The following NTM variants were observed in gnomAD, a reference collection of about 807,000 sequenced individuals.
NTM encodes the protein IgLON family member 2.
A neutral mutation model predicts 42.1 loss-of-function variants in NTM; 13 were observed. The ratio of observed to expected loss-of-function variants is 0.31; its 90% CI spans 0.20 to 0.49. NTM has a LOEUF of 0.49. Among genes scored for constraint, NTM ranks in the 20% least tolerant of loss-of-function variants. The pLI, the probability that NTM is intolerant of heterozygous loss-of-function variation, is 0.99. For synonymous variants in NTM, 187 were observed against 179.2 expected (o/e 1.04, Z -0.35); for missense variants, 373 against 452.8 (o/e 0.82, Z 1.60).
intron 1 of NTM, among the ~76,000 whole-genome samples, chr11:131,378,714 T>C (rs766044310): frequency 6.6e-6 from 1 of 152,168 alleles, no homozygotes; most frequent in Non-Finnish European, 1.5e-5. Context: ...AGGAATGTGA[T>C]TGAGCTGGAT....
chr11:132,207,310 T>C (rs563111124), intron 3 of NTM, among the ~76,000 whole-genome samples: 2 of 152,136 alleles, frequency 1.3e-5, no homozygotes, highest in Non-Finnish European at 2.9e-5. Flanking sequence ...CGAACCCTTA[T>C]TGTGAACTGC....
intron 1 of NTM, among the ~76,000 whole-genome samples, chr11:131,735,219 C>T (rs537300839): frequency 1.4e-4 from 22 of 152,294 alleles, no homozygotes; most frequent in African/African-American, 4.8e-4. Context: ...TAGATGTTGG[C>T]AAAGCTCCAA....
At chr11:132,121,878 G>T (rs79794120) in intron 2 of NTM, among the ~76,000 whole-genome samples, 1 of 152,126 alleles carries the variant, frequency 6.6e-6, no homozygotes, top group African/African-American at 2.4e-5. Context: ...CTTCTTTGAC[G>T]AGTGTTTTGG....
intron 1 of NTM, among the ~76,000 whole-genome samples, chr11:131,579,212 A>G (rs890566886): frequency 6.6e-6 from 1 of 152,210 alleles, no homozygotes; most frequent in Non-Finnish European, 1.5e-5. Flanking sequence ...GGAAACTAGG[A>G]AGAGCCTCAC....
At chr11:132,028,173 C>G (rs1022713083) in intron 2 of NTM, among the ~76,000 whole-genome samples, 1 of 151,390 alleles carries the variant, frequency 6.6e-6, no homozygotes, top group Non-Finnish European at 1.5e-5. Flanking sequence ...ACTTTAAATC[C>G]TCAATCTGAT....
intron 2 of NTM, among the ~76,000 whole-genome samples, chr11:131,940,736 G>T (rs1272454641): frequency 6.6e-6 from 1 of 152,186 alleles, no homozygotes; most frequent in Non-Finnish European, 1.5e-5. Context: ...CAGACATGGG[G>T]ATCCACCTCT....
chr11:132,255,751 T>C (rs1343176767), intron 4 of NTM, among the ~76,000 whole-genome samples: 1 of 152,152 alleles, frequency 6.6e-6, no homozygotes, highest in Non-Finnish European at 1.5e-5. Flanking sequence ...TTCAGTCCTA[T>C]TTGCTCTGCT....
At chr11:132,047,908 G>A (rs986372489) in intron 2 of NTM, among the ~76,000 whole-genome samples, 2 of 152,172 alleles carry the variant, frequency 1.3e-5, no homozygotes, top group Non-Finnish European at 2.9e-5. Flanking sequence ...CGACCCGCTT[G>A]ACATCTCAGT....
At chr11:131,683,398 C>G (rs1341401523) in intron 1 of NTM, among the ~76,000 whole-genome samples, 2 of 152,206 alleles carry the variant, frequency 1.3e-5, no homozygotes, top group African/African-American at 4.8e-5. Context: ...CCCTCCAGCT[C>G]TGGTACCTAA....
At chr11:132,166,743 G>A (rs981096923) in intron 3 of NTM, among the ~76,000 whole-genome samples, 3 of 152,236 alleles carry the variant, frequency 2.0e-5, no homozygotes, top group African/African-American at 4.8e-5. Context: ...CTCCTTTCAC[G>A]ATGAGTGAGT....
At chr11:131,899,385 C>G (rs1284816300) in intron 1 of NTM, among the ~76,000 whole-genome samples, 1 of 152,120 alleles carries the variant, frequency 6.6e-6, no homozygotes, top group Non-Finnish European at 1.5e-5. Flanking sequence ...TTTAAAAATG[C>G]CTTTACCAAG....
At chr11:131,850,860 A>G (rs1400175779) in intron 1 of NTM, among the ~76,000 whole-genome samples, 1 of 152,216 alleles carries the variant, frequency 6.6e-6, no homozygotes, top group African/African-American at 2.4e-5. Context: ...TTTCTTGAGG[A>G]GAAGAAGAGG....
chr11:132,221,752 A>G (rs1020222115), intron 4 of NTM, among the ~76,000 whole-genome samples: 2 of 152,178 alleles, frequency 1.3e-5, no homozygotes, highest in African/African-American at 4.8e-5. Context: ...CTTAATTCTC[A>G]TGGAGGTCCT....
intron 2 of NTM, among the ~76,000 whole-genome samples, chr11:132,112,277 T>G (rs1027968876): frequency 6.6e-6 from 1 of 152,174 alleles, no homozygotes; most frequent in African/African-American, 2.4e-5. Flanking sequence ...GAATGGTAAA[T>G]GAAAGAAACT....
chr11:132,172,717 T>G (rs3924618), intron 3 of NTM, among the ~76,000 whole-genome samples: 98,701 of 152,084 alleles, frequency 0.65, 32,579 homozygotes, highest in African/African-American at 0.71. Context: ...AAAATGGGTG[T>G]AGGACCCAGG....
intron 2 of NTM, among the ~76,000 whole-genome samples, chr11:132,137,285 G>A (rs973587957): frequency 5.9e-5 from 9 of 152,308 alleles, no homozygotes; most frequent in Middle Eastern, 3.4e-3. Context: ...AGGAGAGCCT[G>A]CAGATGGATT....
intron 2 of NTM, among the ~76,000 whole-genome samples, chr11:131,976,546 A>G (rs908116151): frequency 6.6e-6 from 1 of 152,172 alleles, no homozygotes; most frequent in Non-Finnish European, 1.5e-5. Context: ...ACACTGTTCA[A>G]CACACAGATA....
intron 1 of NTM, among the ~76,000 whole-genome samples, chr11:131,469,945 T>C (rs955776148): frequency 1.3e-5 from 2 of 152,236 alleles, no homozygotes; most frequent in Non-Finnish European, 2.9e-5. Context: ...GGAAATCCTA[T>C]GAATCTGGTC....
At chr11:132,008,713 T>A (rs1261404978) in intron 2 of NTM, among the ~76,000 whole-genome samples, 1 of 152,106 alleles carries the variant, frequency 6.6e-6, no homozygotes, top group East Asian at 1.9e-4. Context: ...AAGATTAAAA[T>A]CATTTTCAAT....
Sources: allele counts gnomAD v4.1 joint callset (sites outside exome capture counted in the v4.1 genomes callset), GRCh38; gene constraint gnomAD v4.1.1; transcripts MANE v1.5; gene names NCBI Gene and HGNC (gene_info 2026-07-23, HGNC 2026-07-21).